LINGO2: variants seen among roughly 807,000 people sequenced by gnomAD.
LINGO2 encodes leucine-rich repeat and immunoglobulin-like domain-containing nogo receptor-interacting protein 2.
Under a neutral mutation model 30.6 loss-of-function variants are expected in LINGO2, and 14 were observed. That is an observed-to-expected ratio of 0.46 (90% CI 0.30 to 0.72). The LOEUF (loss-of-function observed/expected upper bound fraction) is 0.72. Ranked by LOEUF, LINGO2 falls within the 30% of genes least tolerant of loss-of-function variation. LINGO2 has a pLI of 0.07. For synonymous variants in LINGO2, 317 were observed against 288.5 expected, an observed-to-expected ratio of 1.10 and a Z score of -1.00; for missense variants, 729 against 751.7, an observed-to-expected ratio of 0.97 and a Z score of 0.35.
At chr9:29,022,176 A>C in the LINGO2 span, among the ~76,000 whole-genome samples, 1 of 152,200 alleles carries the variant, frequency 6.6e-6, no homozygotes, top group Non-Finnish European at 1.5e-5. Flanking sequence ...TCTTAAAATG[A>C]AAATAATAAA....
intron 2 of LINGO2, among the ~76,000 whole-genome samples, chr9:28,373,338 C>A (rs780715584): frequency 6.6e-6 from 1 of 152,126 alleles, no homozygotes; most frequent in African/African-American, 2.4e-5. Flanking sequence ...CAGGCTTTTG[C>A]GTCTTCTCTC....
chr9:28,745,507 A>G, the LINGO2 span, among the ~76,000 whole-genome samples: 486 of 152,180 alleles, frequency 3.2e-3, 6 homozygotes, highest in African/African-American at 0.011. Flanking sequence ...ATGTCTTTAC[A>G]TGTGCAGTTT....
chr9:28,387,333 TGTGTCTAGCTAAA>T (rs1401228529), intron 2 of LINGO2, among the ~76,000 whole-genome samples: 1 of 152,218 alleles, frequency 6.6e-6, no homozygotes, highest in African/African-American at 2.4e-5. Context: ...ATTGGCGCTC[TGTGTCTAGCTAAA>T]GATTTGTAAA....
intron 1 of LINGO2, among the ~76,000 whole-genome samples, chr9:28,652,046 C>T (rs1444375649): frequency 6.6e-6 from 1 of 152,110 alleles, no homozygotes; most frequent in Non-Finnish European, 1.5e-5. Context: ...CCTTTATTAT[C>T]ACAGAACTTT....
At chr9:28,353,080 A>T (rs1334154875) in intron 3 of LINGO2, among the ~76,000 whole-genome samples, 1 of 150,970 alleles carries the variant, frequency 6.6e-6, no homozygotes, top group Non-Finnish European at 1.5e-5. Flanking sequence ...ACCATTCAGG[A>T]CATAGGCATG....
the LINGO2 span, among the ~76,000 whole-genome samples, chr9:28,852,925 T>C: frequency 6.6e-6 from 1 of 152,062 alleles, no homozygotes; most frequent in Admixed American, 6.6e-5. Context: ...CACTCTCTGC[T>C]GGCCTAAATA....
the LINGO2 span, among the ~76,000 whole-genome samples, chr9:29,002,355 G>T: frequency 6.6e-6 from 1 of 151,992 alleles, no homozygotes; most frequent in Non-Finnish European, 1.5e-5. Flanking sequence ...GTCTCAGGAG[G>T]GTACAGAGGT....
At chr9:28,925,909 T>C in the LINGO2 span, among the ~76,000 whole-genome samples, 3 of 152,192 alleles carry the variant, frequency 2.0e-5, no homozygotes, top group African/African-American at 7.2e-5. Context: ...CCAGAGCTAA[T>C]GGCTGTTTGA....
chr9:28,517,821 A>G lies in LINGO2; in HGVS notation c.-364-41796T>C, dbSNP rs1354124078. Among the ~76,000 whole-genome samples the G allele has an allele frequency of 2.0e-5, 3 of 152,186 alleles. No homozygotes were observed. In the East Asian group the frequency reaches 5.8e-4, roughly 29 times the overall value. On this transcript the variant is annotated intron_variant, in intron 1 of 5. Coordinates refer to ENST00000379992, the Ensembl canonical transcript of LINGO2. ...TCTACCCAGAAGCCTATTTTCCCCA[A>G]TAGAAACACAATGAAAATTCAAACA...
chr9:29,053,227 T>A, the LINGO2 span, among the ~76,000 whole-genome samples: 12 of 152,334 alleles, frequency 7.9e-5, no homozygotes, highest in South Asian at 2.5e-3. Flanking sequence ...ACACTTGTTT[T>A]AATCCCCTTC....
chr9:28,941,939 A>G, the LINGO2 span, among the ~76,000 whole-genome samples: 1 of 152,158 alleles, frequency 6.6e-6, no homozygotes, highest in African/African-American at 2.4e-5. Context: ...CCTGAAAGAA[A>G]TAAGGTACTC....
intron 4 of LINGO2, among the ~76,000 whole-genome samples, chr9:28,254,280 A>C (rs1822306647): frequency 6.6e-6 from 1 of 152,116 alleles, no homozygotes; most frequent in South Asian, 2.1e-4. Flanking sequence ...AGAATATATG[A>C]AAGAGCATTT....
At chr9:29,179,187 A>G in the LINGO2 span, among the ~76,000 whole-genome samples, 2 of 79,906 alleles carry the variant, frequency 2.5e-5, no homozygotes, top group African/African-American at 4.3e-5. Flanking sequence ...ATATATATAT[A>G]TATATATATA....
chr9:28,449,073 G>A (rs796851506), intron 2 of LINGO2, among the ~76,000 whole-genome samples: 9 of 145,666 alleles, frequency 6.2e-5, no homozygotes, highest in African/African-American at 2.4e-4. Flanking sequence ...GTGTGTGTGT[G>A]TTGGGAAGGT....
chr9:28,157,978 C>T (rs1828182249), intron 4 of LINGO2, among the ~76,000 whole-genome samples: 1 of 152,202 alleles, frequency 6.6e-6, no homozygotes, highest in South Asian at 2.1e-4. Flanking sequence ...TCTTCTGAGT[C>T]CTCCAAACTG....
chr9:27,949,547 A>C, exon 6 of LINGO2: 1 of 1,614,070 alleles, frequency 6.2e-7, no homozygotes, highest in African/African-American at 1.3e-5. Flanking sequence ...GCTGGCCACC[A>C]AACTGCAGGG....
intron 4 of LINGO2, among the ~76,000 whole-genome samples, chr9:28,033,466 T>C (rs914645683): frequency 6.6e-6 from 1 of 152,136 alleles, no homozygotes; most frequent in East Asian, 1.9e-4. Context: ...GAGAGAACCA[T>C]CAACAGCTTT....
At chr9:27,969,846 T>C (rs1012590238) in intron 5 of LINGO2, among the ~76,000 whole-genome samples, 2 of 151,914 alleles carry the variant, frequency 1.3e-5, no homozygotes, top group Non-Finnish European at 2.9e-5. Context: ...GTGGCAGAAC[T>C]AGGATTCCAA....
At chr9:28,134,876 C>T (rs1190657219) in intron 4 of LINGO2, among the ~76,000 whole-genome samples, 2 of 152,126 alleles carry the variant, frequency 1.3e-5, no homozygotes, top group Non-Finnish European at 2.9e-5. Context: ...GCAGAAACTA[C>T]TGGATATCTT....
Sources: gnomAD v4.1 joint callset for allele counts (sites outside exome capture counted in the v4.1 genomes callset) on GRCh38, gnomAD v4.1.1 for gene constraint, MANE v1.5 for transcripts, NCBI Gene and HGNC (gene_info 2026-07-23, HGNC 2026-07-21) for gene names.